Variants in MAG observed in about 807,000 individuals in gnomAD.
MAG encodes the protein myelin associated glycoprotein, also known as myelin-associated glycoprotein.
In MAG, 30 loss-of-function variants were observed where a neutral mutation model predicts 60.7. The ratio of observed to expected loss-of-function variants is 0.49; its 90% CI spans 0.37 to 0.67. The LOEUF is 0.67. Among genes scored for constraint, MAG ranks in the 30% least tolerant of loss-of-function variants. The pLI is 0.00. For synonymous variants in MAG, 384 were observed against 376.8 expected (o/e 1.02, Z -0.22); for missense variants, 795 against 851.7 (o/e 0.93, Z 0.83).
chr19:35,293,223 A>AGT lies in MAG; in HGVS notation c.-79-1002_-79-1001dup, dbSNP rs140448503. 0.024 allele frequency among the ~76,000 whole-genome samples: 3,635 copies of AGT among 150,968 alleles called. 149 individuals carry two copies. The highest frequency in any genetic ancestry group is 0.083 in the African/African-American group (3,420 of 41,072). ...AGTGGACGCGTCTATAGCCATCCTC[A>AGT]GTGTGTGTGTGCAGTTCCTTGCATC... On this transcript the variant is annotated intron_variant, in intron 1 of 10. Transcript: ENST00000392213. This position sits in a 1 kb window ranked among gnomAD's most constrained non-coding sequence, Gnocchi z 4.0.
intron 7 of MAG, among the ~76,000 whole-genome samples, chr19:35,306,811 G>A (rs776209774): frequency 2.6e-4 from 39 of 152,328 alleles, no homozygotes; most frequent in African/African-American, 6.7e-4. Context: ...GTTACTGACT[G>A]TAACCCCCTG....
At chr19:35,312,649 A>T (rs1294348679) in intron 10 of MAG, 2 of 447,874 alleles carry the variant, frequency 4.5e-6, no homozygotes, top group African/African-American at 1.9e-5. Flanking sequence ...CAAACCAGGT[A>T]TTTCCAGGAA....
intron 7 of MAG, among the ~76,000 whole-genome samples, chr19:35,306,239 A>T (rs2066484950): frequency 6.7e-6 from 1 of 148,346 alleles, no homozygotes; most frequent in African/African-American, 2.5e-5. Context: ...CTAAGAGAAC[A>T]ATACTGAGTG....
intron 4 of MAG, among the ~76,000 whole-genome samples, chr19:35,297,877 C>T (rs1018530937): frequency 1.3e-5 from 2 of 150,118 alleles, no homozygotes; most frequent in Non-Finnish European, 3.0e-5. Context: ...ACACAACACA[C>T]CAAACACACA....
At chr19:35,303,425 C>T (rs569512030) in intron 7 of MAG, among the ~76,000 whole-genome samples, 3 of 152,242 alleles carry the variant, frequency 2.0e-5, no homozygotes, top group South Asian at 2.1e-4. Context: ...TCCCTGTTTA[C>T]GGAGAAGGAA....
rs2066513725 is a variant in MAG at position 35,309,965 on chromosome 19, C to T, written c.1323C>T (p.Ser441=). The T allele has an allele frequency of 2.5e-6, 4 of 1,613,926 alleles. No individual in the cohort carries two copies. The highest frequency in any genetic ancestry group is 1.7e-5 in the Admixed American group (1 of 60,010). ...TGGTGAAGTCCAACCCGGAGCCGTC[C>T]GTGGCCTTTGAGCTGCCATCGCGCA... The part of the protein sequence containing the change: ...LCVVKSNPEP[S]VAFELPSRNV... The change falls in exon 8 of 11, where the codon TCC becomes TCT. Residue 441 remains serine, a synonymous_variant. Transcript: ENST00000392213.
In MAG at chr19:35,302,621, G is replaced by C. The variant is rs751480059; in HGVS notation, c.1144G>C (p.Val382Leu). 6.2e-7 allele frequency: 1 copy of C among 1,614,220 alleles called. No homozygotes were observed. Among genetic ancestry groups the C allele is most frequent in the South Asian group, 1.1e-5 (1 of 91,084 alleles). Reference protein sequence around the residue: ...ESELQLELPAVSPEDDGEYWC... With the variant: ...ESELQLELPALSPEDDGEYWC... ...CGAGCTGCAGCTGGAGCTGCCGGCC[G>C]TGTCACCCGAGGATGATGGAGAGTA... Residue 382 changes from valine to leucine, a missense_variant, in exon 7 of 11, where the codon GTG (valine) becomes CTG (leucine). Coordinates refer to ENST00000392213, the MANE Select transcript of MAG (RefSeq NM_002361.4).
rs866893306 is a variant in MAG at position 35,308,169 on chromosome 19, C to T, written c.1232-1705C>T. Among the ~76,000 whole-genome samples the T allele has an allele frequency of 2.6e-5, 4 of 152,092 alleles. No individual in the cohort carries two copies. The East Asian group carries it at 7.7e-4, about 29-fold the overall frequency. On this transcript the variant is annotated intron_variant, in intron 7 of 10. Transcript: ENST00000392213. ...TGAGTGAGGCAGGGAGTGAATGATACGTGGAGCGAGGTGCAGCTTCCCTGG... is the reference window on the plus strand; with the variant it reads ...TGAGTGAGGCAGGGAGTGAATGATATGTGGAGCGAGGTGCAGCTTCCCTGG...
chr19:35,304,353 C>CA (rs1335244181), intron 7 of MAG, among the ~76,000 whole-genome samples: 1 of 152,048 alleles, frequency 6.6e-6, no homozygotes, highest in Non-Finnish European at 1.5e-5. Context: ...GTTTAAGAGT[C>CA]AGAGAGAGGA....
chr19:35,313,224 C>T lies in MAG; in HGVS notation c.1717-66C>T, dbSNP rs571862718. 2.6e-6 allele frequency: 4 copies of T among 1,521,870 alleles called. No homozygotes were observed. The South Asian group carries it at 5.1e-5, about 19-fold the overall frequency. 94.3% of individuals were successfully genotyped at this position (1,521,870 alleles called of 1,614,324 possible). ...CTCAGGAGCTCTGAGGGTGCAAACG[C>T]TCTGTCCTCTGCATTGGGAAAAGGC... On this transcript the variant is annotated intron_variant, in intron 10 of 10. Coordinates refer to ENST00000392213, the MANE Select transcript of MAG (RefSeq NM_002361.4).
chr19:35,294,009 C>T (rs769100899), intron 1 of MAG, among the ~76,000 whole-genome samples: 4 of 152,132 alleles, frequency 2.6e-5, no homozygotes, highest in Non-Finnish European at 5.9e-5. Flanking sequence ...TACCCCGATG[C>T]GGTCGTTCCC....
chr19:35,292,417 G>A (rs898893673), intron 1 of MAG, among the ~76,000 whole-genome samples: 6 of 151,956 alleles, frequency 3.9e-5, no homozygotes, highest in Non-Finnish European at 5.9e-5. Context: ...AAACCACAGA[G>A]AGAAAAAACA....
rs200279940 is a variant in MAG at position 35,302,596 on chromosome 19, C to T, written c.1119C>T (p.Ser373=). ...TCCTGTCCACGGTCATCTACGAGAG[C>T]GAGCTGCAGCTGGAGCTGCCGGCCG... The part of the protein sequence containing the change: ...KQILSTVIYE[S]ELQLELPAVS... The change falls in exon 7 of 11, where the codon AGC becomes AGT. Residue 373 remains serine, a synonymous_variant. Transcript: ENST00000392213. 3.7e-5 allele frequency: 59 copies of T among 1,614,040 alleles called. No homozygotes were observed. Among genetic ancestry groups the T allele is most frequent in the African/African-American group, 2.3e-4 (17 of 74,920 alleles).
intron 8 of MAG, 75 bp from the exon 9 acceptor site, chr19:35,310,472 C>T (rs2066518757): frequency 7.9e-7 from 1 of 1,272,876 alleles, no homozygotes. Context: ...GTCATCCCAG[C>T]ATGTCTCCAA....
intron 4 of MAG, among the ~76,000 whole-genome samples, chr19:35,297,823 CAACA>C (rs2066412745): frequency 6.7e-6 from 1 of 150,076 alleles, no homozygotes; most frequent in Non-Finnish European, 1.5e-5. Flanking sequence ...ACCCCACACA[CAACA>C]AACATGCACA....
chr19:35,309,935 G>A lies in MAG; in HGVS notation c.1293G>A (p.Leu431=), dbSNP rs555465632. 2 of 1,613,958 alleles carry A rather than the reference G, an allele frequency of 1.2e-6. No homozygotes were observed. The highest frequency in any genetic ancestry group is 8.5e-7 in the Non-Finnish European group (1 of 1,179,946). ...CAGCCCGAGACACGGTGCAGTGCCT[G>A]TGCGTGGTGAAGTCCAACCCGGAGC... ...CAAARDTVQC[L]CVVKSNPEPS... The change falls in exon 8 of 11, where the codon CTG becomes CTA. Residue 431 remains leucine (L), a synonymous_variant. Transcript: ENST00000392213.
At chr19:35,298,868 ACAC>A (rs2066423839) in intron 4 of MAG, among the ~76,000 whole-genome samples, 1 of 150,986 alleles carries the variant, frequency 6.6e-6, no homozygotes, top group Non-Finnish European at 1.5e-5. Context: ...CACAGACCAC[ACAC>A]CACATACACC....
At position 35,293,371 on chromosome 19, in the gene MAG, A is replaced by G. The variant is rs190055603; in HGVS notation, c.-79-864A>G. The stretch of plus-strand genomic sequence containing the variant: ...GAGGCATTGCATGCACGCCTTGGGA[A>G]CTATGTGAGTGCCAGCCCATCCCTG... On this transcript the variant is annotated intron_variant, in intron 1 of 10. Coordinates refer to ENST00000392213, the MANE Select transcript of MAG (RefSeq NM_002361.4). The surrounding 1 kb of genome is among the most constrained non-coding windows in gnomAD (Gnocchi z 4.0). Among the ~76,000 whole-genome samples the G allele has an allele frequency of 3.9e-3, 594 of 151,292 alleles. 2 individuals are homozygous for G. The highest frequency in any genetic ancestry group is 0.014 in the African/African-American group (570 of 41,202).
chr19:35,300,331 A>C lies in MAG; in HGVS notation c.897A>C (p.Glu299Asp), dbSNP rs768465933. The C allele has an allele frequency of 1.6e-5, 26 of 1,598,986 alleles. 1 individual carries two copies. The South Asian group carries it at 2.5e-4, about 16-fold the overall frequency. ...AGCTGGAGGAGGTGACCCCCGCCGA[A>C]GACGGCGTCTATGCCTGCCTGGCCG... Reference protein sequence around the residue: ...LLELEEVTPAEDGVYACLAEN... With the variant: ...LLELEEVTPADDGVYACLAEN... Residue 299 changes from glutamate to aspartate, a missense_variant, in exon 6 of 11, where the codon GAA (glutamate) becomes GAC (aspartate). Glu to Asp is a conservative substitution (Grantham distance 45). Transcript: ENST00000392213.
Sources: allele counts gnomAD v4.1 joint callset (sites outside exome capture counted in the v4.1 genomes callset), GRCh38; gene constraint gnomAD v4.1.1; non-coding constraint Gnocchi (gnomAD v3.1); transcripts MANE v1.5; gene names NCBI Gene and HGNC (gene_info 2026-07-23, HGNC 2026-07-21).